PHLPP1: variants seen among roughly 807,000 people sequenced by gnomAD.
PHLPP1 encodes the protein PH domain and leucine rich repeat protein phosphatase 1.
Under a neutral mutation model 117.2 loss-of-function variants are expected in PHLPP1, and 42 were observed. That is an observed-to-expected ratio of 0.36 (90% CI 0.28 to 0.46). PHLPP1 has a LOEUF of 0.46. PHLPP1 is among the 20% of genes least tolerant of loss of function. The pLI is 1.00. For synonymous variants in PHLPP1, 1,042 were observed against 970.7 expected (o/e 1.07, Z -1.37); for missense variants, 2,084 against 2,241.9 (o/e 0.93, Z 1.42).
chr18:62,827,829 C>T (rs1315574203), intron 1 of PHLPP1, among the ~76,000 whole-genome samples: 4 of 152,166 alleles, frequency 2.6e-5, no homozygotes, highest in Non-Finnish European at 4.4e-5. Flanking sequence ...GTGATTTGCT[C>T]TGGGGCTTTC....
At chr18:62,783,213 CCTTT>C (rs1913170738) in intron 1 of PHLPP1, among the ~76,000 whole-genome samples, 1 of 148,544 alleles carries the variant, frequency 6.7e-6, no homozygotes, top group Non-Finnish European at 1.5e-5. Flanking sequence ...TCCCCACAAG[CCTTT>C]CTTTTTTTTT....
intron 1 of PHLPP1, among the ~76,000 whole-genome samples, chr18:62,804,514 A>G (rs893002691): frequency 3.3e-5 from 5 of 152,070 alleles, no homozygotes; most frequent in African/African-American, 1.2e-4. Flanking sequence ...CCTAGGAGTT[A>G]AAGGTTGCAG....
At chr18:62,867,594 T>C (rs769142417) in intron 4 of PHLPP1, among the ~76,000 whole-genome samples, 2 of 152,212 alleles carry the variant, frequency 1.3e-5, no homozygotes, top group Non-Finnish European at 2.9e-5. Flanking sequence ...GGAATTCTTA[T>C]ATTCCTCTCA....
intron 4 of PHLPP1, among the ~76,000 whole-genome samples, chr18:62,872,726 C>T (rs1915934306): frequency 6.6e-6 from 1 of 150,934 alleles, no homozygotes; most frequent in African/African-American, 2.4e-5. Flanking sequence ...GTGGCTCACG[C>T]CTGTAATCCC....
chr18:62,861,446 C>T (rs1165649432), intron 4 of PHLPP1, among the ~76,000 whole-genome samples: 1 of 152,176 alleles, frequency 6.6e-6, no homozygotes, highest in Non-Finnish European at 1.5e-5. Flanking sequence ...ACTTGACTTG[C>T]ATGTCTCCAA....
At position 62,716,931 on chromosome 18, in the gene PHLPP1, G is replaced by T. The variant is rs1311731544; in HGVS notation, c.1248G>T (p.Gln416His). The change falls in exon 1 of 17, where the codon CAG (glutamine) becomes CAT (histidine). Residue 416 changes from glutamine (Q) to histidine (H), a missense_variant. Gln to His is a conservative substitution (Grantham distance 24). Coordinates refer to ENST00000262719, the MANE Select transcript of PHLPP1 (RefSeq NM_194449.4). The surrounding 1 kb of genome is among the most constrained non-coding windows in gnomAD (Gnocchi z 5.7). ...LPQTASSPQPQQKAPRAIDSP... is the reference protein window; with the variant it reads ...LPQTASSPQPHQKAPRAIDSP... ...AGACGGCTTCCTCGCCTCAGCCGCA[G>T]CAGAAAGCCCCGAGGGCCATTGACA... 1 of 1,534,804 alleles carries T rather than the reference G, an allele frequency of 6.5e-7. No homozygotes were observed. The highest frequency in any genetic ancestry group is 1.8e-4 in the Middle Eastern group (1 of 5,568).
In PHLPP1 at chr18:62,945,234, A is replaced by G. The variant is rs1458948983; in HGVS notation, c.3287A>G (p.Glu1096Gly). 1 of 1,609,312 alleles carries G rather than the reference A, an allele frequency of 6.2e-7. No individual in the cohort carries two copies. The highest frequency in any genetic ancestry group is 1.7e-5 in the Admixed American group (1 of 58,976). Residue 1096 changes from glutamate (E) to glycine (G), a missense_variant, in exon 12 of 17, where the codon GAG becomes GGG. By Grantham distance (98) the Glu-to-Gly change is moderately conservative. Around this residue, in one of 2 missense-constraint regions of PHLPP1, gnomAD observed 1,365 missense variants for 1,605.9 expected, o/e 0.85. Transcript: ENST00000262719. Reference sequence around the variant, plus strand: ...GTGATTGCTCACTCCAACTGCATCGAGGTCTTTCCCGAAGTTATGCAGCTC... The same window carrying G: ...GTGATTGCTCACTCCAACTGCATCGGGGTCTTTCCCGAAGTTATGCAGCTC... Reference protein sequence around the residue: ...HTVIAHSNCIEVFPEVMQLPE... With the variant: ...HTVIAHSNCIGVFPEVMQLPE...
At chr18:62,970,021 GTTCT>G (rs1911010103) in intron 14 of PHLPP1, among the ~76,000 whole-genome samples, 1 of 151,986 alleles carries the variant, frequency 6.6e-6, no homozygotes, top group East Asian at 1.9e-4. Flanking sequence ...TGTGCCATCT[GTTCT>G]TTATTTCCTT....
chr18:62,957,850 G>A (rs1489110166), intron 12 of PHLPP1, among the ~76,000 whole-genome samples: 1 of 152,056 alleles, frequency 6.6e-6, no homozygotes, highest in Non-Finnish European at 1.5e-5. Flanking sequence ...CTAGTAGCTG[G>A]GATTACAGGC....
chr18:62,758,210 T>C (rs1001722414), intron 1 of PHLPP1, among the ~76,000 whole-genome samples: 23 of 152,250 alleles, frequency 1.5e-4, no homozygotes, highest in Non-Finnish European at 5.9e-5. Context: ...ATTGTAACTT[T>C]TTTTTCTTAC....
intron 1 of PHLPP1, among the ~76,000 whole-genome samples, chr18:62,814,720 T>C (rs1381880007): frequency 6.6e-6 from 1 of 152,228 alleles, no homozygotes; most frequent in Non-Finnish European, 1.5e-5. Context: ...GTACTTTCAC[T>C]CTCTTACATT....
chr18:62,844,868 C>T (rs1460263503), intron 3 of PHLPP1, among the ~76,000 whole-genome samples: 1 of 152,200 alleles, frequency 6.6e-6, no homozygotes, highest in Non-Finnish European at 1.5e-5. Context: ...AGATGGAATG[C>T]TCTCCAATAT....
chr18:62,936,217 A>G (rs1158063485), intron 10 of PHLPP1, among the ~76,000 whole-genome samples: 6 of 152,196 alleles, frequency 3.9e-5, no homozygotes, highest in Admixed American at 3.9e-4. Flanking sequence ...CACATTTGGG[A>G]CAACGTGAGC....
At chr18:62,975,766 A>G in intron 16 of PHLPP1, 141 bp downstream of exon 16, 3 of 630,756 alleles carry the variant, frequency 4.8e-6, no homozygotes, top group South Asian at 1.9e-5. Context: ...AATCCATAGT[A>G]TCACAAAGCA....
intron 2 of PHLPP1, among the ~76,000 whole-genome samples, chr18:62,834,331 A>G (rs936381603): frequency 1.3e-5 from 2 of 152,180 alleles, no homozygotes; most frequent in Non-Finnish European, 2.9e-5. Flanking sequence ...GGTCTGAGAA[A>G]TGTGGAGTAG....
intron 4 of PHLPP1, among the ~76,000 whole-genome samples, chr18:62,884,247 A>G (rs1382107031): frequency 1.3e-5 from 2 of 152,222 alleles, no homozygotes; most frequent in East Asian, 1.9e-4. Flanking sequence ...GGAGGGGGCT[A>G]TCTCCTATTT....
chr18:62,791,461 A>G (rs1336801248), intron 1 of PHLPP1, among the ~76,000 whole-genome samples: 4 of 152,236 alleles, frequency 2.6e-5, no homozygotes, highest in African/African-American at 7.2e-5. Context: ...GTTTCCTCCT[A>G]TGTTTCTCTT....
chr18:62,849,851 G>A (rs1431952209), intron 3 of PHLPP1, among the ~76,000 whole-genome samples: 3 of 79,752 alleles, frequency 3.8e-5, no homozygotes, highest in South Asian at 4.6e-4. Context: ...ATCCTTTAAA[G>A]TTTAGTTCCC....
In PHLPP1 at chr18:62,849,828, A is replaced by ATATATATATATATATATAT. The variant is rs1297336371; in HGVS notation, c.1900-10607_1900-10606insTATATATATATATATATAT. Among the ~76,000 whole-genome samples the ATATATATATATATATATAT allele has an allele frequency of 8.8e-4, 23 of 26,114 alleles. 1 individual carries two copies. The highest frequency in any genetic ancestry group is 1.6e-3 in the African/African-American group (12 of 7,344). The allele number at this position is 26,114 out of a possible 152,430, so 17.1% of individuals were successfully genotyped here. A position where few individuals can be genotyped will look rare whatever the true frequency, so the allele number is the denominator to read the frequency against. ...AAAAAAAAAAAAAAAAAAAAAAAAAAAAAAATATATATATCCTTTAAAGTT... is the reference window on the plus strand; with the variant it reads ...AAAAAAAAAAAAAAAAAAAAAAAAAATATATATATATATATATATAAAAATATATATATCCTTTAAAGTT... On this transcript the variant is annotated intron_variant, in intron 3 of 16. Coordinates refer to ENST00000262719, the MANE Select transcript of PHLPP1 (RefSeq NM_194449.4).
Sources: allele counts gnomAD v4.1 joint callset (sites outside exome capture counted in the v4.1 genomes callset), GRCh38; gene constraint gnomAD v4.1.1; regional missense constraint gnomAD v4.1.1; non-coding constraint Gnocchi (gnomAD v3.1); transcripts MANE v1.5; gene names NCBI Gene and HGNC (gene_info 2026-07-23, HGNC 2026-07-21).